The following SCLT1 variants were observed in gnomAD, a reference collection of about 807,000 sequenced individuals.
SCLT1 encodes sodium channel and clathrin linker 1.
A neutral mutation model predicts 112.8 loss-of-function variants in SCLT1; 78 were observed. The observed-to-expected ratio is 0.69, with a 90% CI of 0.58 to 0.83. The LOEUF is 0.83. Among genes scored for constraint, SCLT1 ranks in the 40% least tolerant of loss-of-function variants. The pLI is 0.00. For synonymous variants in SCLT1, 257 were observed against 254.7 expected (o/e 1.01, Z -0.09); for missense variants, 747 against 770.4 (o/e 0.97, Z 0.36).
At chr4:129,031,439 A>G (rs1264980339) in intron 5 of SCLT1, among the ~76,000 whole-genome samples, 1 of 152,136 alleles carries the variant, frequency 6.6e-6, no homozygotes, top group Non-Finnish European at 1.5e-5. Context: ...CCTATTAAAC[A>G]TAGTATTGGA....
chr4:129,082,240 A>C (rs772356840), intron 2 of SCLT1, 66 bp downstream of exon 2: 30 of 656,714 alleles, frequency 4.6e-5, no homozygotes, highest in Non-Finnish European at 7.3e-5. Context: ...TTGTAAGCCA[A>C]GTTTCAAAGT....
rs188077190 is a variant in SCLT1, at chr4:128,897,851, C to A, written c.1830-6714G>T. 3.6e-3 allele frequency among the ~76,000 whole-genome samples: 493 copies of A among 136,638 alleles called. 4 individuals carry two copies. The highest frequency in any genetic ancestry group is 0.011 in the African/African-American group (462 of 40,210). 89.6% of individuals were successfully genotyped at this position (136,638 alleles called of 152,430 possible). On this transcript the variant is annotated intron_variant, in intron 18 of 20. Coordinates refer to ENST00000281142, the MANE Select transcript of SCLT1 (RefSeq NM_144643.4). Reference sequence around the variant, plus strand: ...AGATCTACCAAGCAAATGGAAAACACAAAAAGGCAGGGGTTGCAATCCTAG... The same window carrying A: ...AGATCTACCAAGCAAATGGAAAACAAAAAAAGGCAGGGGTTGCAATCCTAG...
intron 18 of SCLT1, among the ~76,000 whole-genome samples, chr4:128,900,867 A>G (rs1201910824): frequency 1.3e-5 from 2 of 152,212 alleles, no homozygotes; most frequent in Non-Finnish European, 2.9e-5. Flanking sequence ...GGTGAAGGAC[A>G]TGAACAGACA....
intron 18 of SCLT1, among the ~76,000 whole-genome samples, chr4:128,913,685 A>G (rs1946186337): frequency 6.6e-6 from 1 of 152,182 alleles, no homozygotes; most frequent in Non-Finnish European, 1.5e-5. Context: ...AGGAGAGTGG[A>G]GGATGATTAT....
At chr4:129,070,674 G>A (rs1228432406) in intron 2 of SCLT1, among the ~76,000 whole-genome samples, 1 of 151,950 alleles carries the variant, frequency 6.6e-6, no homozygotes, top group Non-Finnish European at 1.5e-5. Flanking sequence ...CTTGTTAATG[G>A]TCTATCAATT....
In SCLT1 at chr4:128,913,057, T is replaced by C. The variant is rs1735219958; in HGVS notation, c.1830-21920A>G. On this transcript the variant is annotated intron_variant, in intron 18 of 20. Transcript: ENST00000281142. ...ATTTCACTTAAGTAGGAATTTTCTT[T>C]AGAAGGTTTGTTGGTTTGCTTCAAA... 2.6e-5 allele frequency among the ~76,000 whole-genome samples: 4 copies of C among 152,374 alleles called. No individual in the cohort carries two copies. The South Asian group carries it at 6.2e-4, about 24-fold the overall frequency.
chr4:129,043,523 TATA>T, intron 3 of SCLT1, 56 bp from the exon 4 acceptor site: 2 of 733,882 alleles, frequency 2.7e-6, no homozygotes, highest in Non-Finnish European at 4.5e-6. Context: ...TTAATAAATA[TATA>T]ACAAGTGAAA....
In SCLT1 at chr4:128,953,485, T is replaced by C. The variant is rs150095521; in HGVS notation, c.1147-645A>G. 1.5e-4 allele frequency among the ~76,000 whole-genome samples: 23 copies of C among 152,308 alleles called. No individual in the cohort carries two copies. The East Asian group carries it at 4.2e-3, about 28-fold the overall frequency. On this transcript the variant is annotated intron_variant, in intron 13 of 20. Transcript: ENST00000281142. ...AGTAGGTGTGACCTTGTGGCCTCTC[T>C]GAACAATATTTTTGAGAACTGCTGC...
chr4:129,049,811 T>C (rs1298100228), intron 2 of SCLT1, among the ~76,000 whole-genome samples: 1 of 152,016 alleles, frequency 6.6e-6, no homozygotes, highest in Non-Finnish European at 1.5e-5. Flanking sequence ...CCATGGTGGT[T>C]TGCTGCACCT....
At chr4:128,877,761 T>A (rs550806139) in intron 3 of SCLT1, among the ~76,000 whole-genome samples, 1 of 152,310 alleles carries the variant, frequency 6.6e-6, no homozygotes, top group African/African-American at 2.4e-5. Context: ...ATTGGTAAAT[T>A]TATTGGTAAA....
At chr4:128,980,009 G>C (rs1345787382) in intron 9 of SCLT1, among the ~76,000 whole-genome samples, 1 of 152,112 alleles carries the variant, frequency 6.6e-6, no homozygotes, top group Admixed American at 6.5e-5. Flanking sequence ...TAACATTAAA[G>C]TAAAACAGTG....
At position 128,963,001 on chromosome 4, in the gene SCLT1, A is replaced by T. The variant is rs186720582; in HGVS notation, c.869+2226T>A. ...TATTTGCTGAAGAAAGGCGAAAAAA[A>T]TGATTTGGATTCTGATTAAGTAATG... On this transcript the variant is annotated intron_variant, in intron 11 of 20. Coordinates refer to ENST00000281142, the MANE Select transcript of SCLT1 (RefSeq NM_144643.4). 1.6e-3 allele frequency among the ~76,000 whole-genome samples: 249 copies of T among 152,328 alleles called. 2 individuals carry two copies. Among genetic ancestry groups the T allele is most frequent in the East Asian group, 0.014 (71 of 5,178 alleles).
chr4:128,919,986 C>CA (rs1261986373), intron 18 of SCLT1, among the ~76,000 whole-genome samples: 1 of 152,070 alleles, frequency 6.6e-6, no homozygotes, highest in Non-Finnish European at 1.5e-5. Context: ...GAGCTGATAC[C>CA]ATTCCTACTG....
intron 5 of SCLT1, among the ~76,000 whole-genome samples, chr4:129,029,280 A>G (rs1417583126): frequency 3.3e-5 from 5 of 152,112 alleles, no homozygotes; most frequent in Non-Finnish European, 1.5e-5. Context: ...ACCAACCCAA[A>G]TGTCCAACAA....
At chr4:128,943,932 C>T (rs181353891) in intron 16 of SCLT1, among the ~76,000 whole-genome samples, 16 of 152,224 alleles carry the variant, frequency 1.1e-4, no homozygotes, top group Admixed American at 9.2e-4. Flanking sequence ...AAGAAAACTA[C>T]TAGTTAAAAG....
At chr4:129,011,177 AT>A (rs1744487684) in intron 5 of SCLT1, among the ~76,000 whole-genome samples, 1 of 152,160 alleles carries the variant, frequency 6.6e-6, no homozygotes, top group Admixed American at 6.5e-5. Context: ...TCAGATAATC[AT>A]GTAGTTTTTG....
chr4:129,005,393 C>T (rs1743903023), intron 5 of SCLT1, among the ~76,000 whole-genome samples: 2 of 152,050 alleles, frequency 1.3e-5, no homozygotes, highest in African/African-American at 4.8e-5. Flanking sequence ...CTTTGTTACG[C>T]AGCCAAAAGA....
intron 17 of SCLT1, among the ~76,000 whole-genome samples, chr4:128,941,124 C>A: frequency 6.6e-6 from 1 of 151,952 alleles, no homozygotes; most frequent in Non-Finnish European, 1.5e-5. Context: ...AAAACCTGCC[C>A]CCATGATTCA....
intron 4 of SCLT1, chr4:129,040,023 A>C: frequency 1.7e-6 from 1 of 589,402 alleles, no homozygotes; most frequent in East Asian, 2.8e-5. Context: ...TGTGCTTCCT[A>C]AGCTAAAGGA....
Sources: allele counts gnomAD v4.1 joint callset (sites outside exome capture counted in the v4.1 genomes callset), GRCh38; gene constraint gnomAD v4.1.1; transcripts MANE v1.5; gene names NCBI Gene and HGNC (gene_info 2026-07-23, HGNC 2026-07-21).